NEK10: variants seen among roughly 807,000 people sequenced by gnomAD.
The protein encoded by NEK10 is NIMA related kinase 10, also known as serine/threonine-protein kinase Nek10.
NEK10 carries 122 observed loss-of-function variants against 159.8 expected under a neutral mutation model. The ratio of observed to expected loss-of-function variants is 0.76; its 90% CI spans 0.66 to 0.89. The LOEUF (loss-of-function observed/expected upper bound fraction) is 0.89. Among genes scored for constraint, NEK10 ranks in the 40% least tolerant of loss-of-function variants. NEK10 has a pLI of 0.00. For missense variants in NEK10, 1,342 were observed against 1,323.1 expected, an observed-to-expected ratio of 1.01 and a Z score of -0.22; for synonymous variants, 466 against 457.1, an observed-to-expected ratio of 1.02 and a Z score of -0.25.
At chr3:27,208,048 G>A (rs773924169) in intron 23 of NEK10, among the ~76,000 whole-genome samples, 2 of 152,122 alleles carry the variant, frequency 1.3e-5, no homozygotes, top group African/African-American at 4.8e-5. Context: ...TATTGTGGAT[G>A]TCTGTGTGTT....
At chr3:27,147,964 A>T (rs1299308017) in intron 30 of NEK10, among the ~76,000 whole-genome samples, 1 of 152,178 alleles carries the variant, frequency 6.6e-6, no homozygotes, top group African/African-American at 2.4e-5. Context: ...AAACTCAGAC[A>T]CTTGCCAAAG....
chr3:27,175,752 A>G (rs372556268), intron 26 of NEK10, among the ~76,000 whole-genome samples: 3 of 152,204 alleles, frequency 2.0e-5, no homozygotes, highest in East Asian at 1.9e-4. Context: ...CAGATCAGGT[A>G]GACAAAAAGA....
At chr3:27,173,249 A>T (rs1947179987) in intron 28 of NEK10, among the ~76,000 whole-genome samples, 1 of 152,194 alleles carries the variant, frequency 6.6e-6, no homozygotes, top group Non-Finnish European at 1.5e-5. Flanking sequence ...AAATGTCATA[A>T]CCATCCTTGC....
chr3:27,226,518 G>A (rs1003076616), intron 23 of NEK10, among the ~76,000 whole-genome samples: 9 of 152,142 alleles, frequency 5.9e-5, no homozygotes, highest in South Asian at 2.1e-4. Flanking sequence ...TCACAGTAAC[G>A]CTTTCAGATG....
At chr3:27,332,769 C>A (rs2046515385) in intron 5 of NEK10, among the ~76,000 whole-genome samples, 1 of 152,160 alleles carries the variant, frequency 6.6e-6, no homozygotes, top group African/African-American at 2.4e-5. Flanking sequence ...TTGACAACTT[C>A]CCTACACAGC....
intron 35 of NEK10, among the ~76,000 whole-genome samples, chr3:27,113,786 TA>T (rs1362271666): frequency 1.3e-5 from 2 of 152,158 alleles, no homozygotes; most frequent in African/African-American, 2.4e-5. Flanking sequence ...ATAAGACAAA[TA>T]TTTTTTAATA....
Position 27,284,635 on chromosome 3 carries a change from T to C in NEK10, c.1981A>G (p.Ile661Val). 1 of 1,603,820 alleles carries C rather than the reference T, an allele frequency of 6.2e-7. No homozygotes were observed. Among genetic ancestry groups the C allele is most frequent in the Non-Finnish European group, 8.5e-7 (1 of 1,170,688 alleles). Residue 661 changes from isoleucine to valine, a missense_variant, in exon 22 of 36, where the codon ATT becomes GTT. By Grantham distance (29) the Ile-to-Val change is conservative (BLOSUM62 3). Coordinates refer to ENST00000691995, the MANE Select transcript of NEK10 (RefSeq NM_001394966.1). ...ACTTTGTCCTTATCCCCCAACATAA[T>C]GTTGTTTGGTGTCAGATCTCTATGG... Reference protein sequence around the residue: ...IVHRDLTPNNIMLGDKDKVTV... With the variant: ...IVHRDLTPNNVMLGDKDKVTV...
At chr3:27,314,360 A>G in intron 6 of NEK10, 22 bp from the exon 7 acceptor site, 2 of 1,508,068 alleles carry the variant, frequency 1.3e-6, no homozygotes, top group Non-Finnish European at 1.8e-6. Context: ...AAAGCAACAA[A>G]ACACATGTAA....
intron 22 of NEK10, among the ~76,000 whole-genome samples, chr3:27,268,096 T>C (rs888826963): frequency 2.0e-5 from 3 of 152,176 alleles, no homozygotes; most frequent in Non-Finnish European, 4.4e-5. Flanking sequence ...CCTAACTCTC[T>C]TCAATTCTGT....
chr3:27,357,895 G>A (rs2149854863), intron 1 of NEK10, among the ~76,000 whole-genome samples: 1 of 152,230 alleles, frequency 6.6e-6, no homozygotes, highest in Admixed American at 6.5e-5. Context: ...AAGGAGAACT[G>A]TGGCCAAGCA....
At chr3:27,261,766 C>A (rs926687163) in intron 22 of NEK10, among the ~76,000 whole-genome samples, 2 of 152,134 alleles carry the variant, frequency 1.3e-5, no homozygotes. Flanking sequence ...GAGTTCAATT[C>A]CTGGATATCC....
At chr3:27,145,879 A>G (rs1944250419) in intron 30 of NEK10, among the ~76,000 whole-genome samples, 3 of 151,894 alleles carry the variant, frequency 2.0e-5, no homozygotes, top group Admixed American at 2.0e-4. Context: ...CTAAGGGCGG[A>G]GGCCTCATGA....
chr3:27,281,633 G>A lies in NEK10; in HGVS notation c.2014+2969C>T, dbSNP rs185505166. Among the ~76,000 whole-genome samples the A allele has an allele frequency of 2.3e-3, 356 of 152,132 alleles. 1 individual carries two copies. Among genetic ancestry groups the A allele is most frequent in the African/African-American group, 3.4e-3 (141 of 41,538 alleles). ...CAAGCGAACATCCAAAAAACATAAC[G>A]CCCAAAGCACTCTTTATTAGAAAAG... On this transcript the variant is annotated intron_variant, in intron 22 of 35. Transcript: ENST00000691995.
chr3:27,200,516 G>A (rs1434193003), intron 25 of NEK10, among the ~76,000 whole-genome samples: 3 of 152,074 alleles, frequency 2.0e-5, no homozygotes, highest in East Asian at 1.9e-4. Context: ...CCAGATACAC[G>A]AGTCATTTAT....
chr3:27,301,929 A>G, intron 12 of NEK10, 94 bp from the exon 13 acceptor site: 1 of 889,322 alleles, frequency 1.1e-6, no homozygotes, highest in Non-Finnish European at 1.8e-6. Context: ...TGCCTCCCTC[A>G]GGTCATGAAG....
At chr3:27,213,700 C>T (rs1951225624) in intron 23 of NEK10, among the ~76,000 whole-genome samples, 1 of 152,166 alleles carries the variant, frequency 6.6e-6, no homozygotes, top group South Asian at 2.1e-4. Flanking sequence ...AACATTACAA[C>T]AGAGGTCTTA....
At chr3:27,120,327 C>CT (rs879451959) in intron 32 of NEK10, among the ~76,000 whole-genome samples, 2,521 of 142,130 alleles carry the variant, frequency 0.018, 58 homozygotes, top group African/African-American at 0.057. Context: ...TTTCTTTTTT[C>CT]TTTTTTTTTT....
At chr3:27,336,647 T>C (rs1018348221) in intron 5 of NEK10, among the ~76,000 whole-genome samples, 1 of 152,098 alleles carries the variant, frequency 6.6e-6, no homozygotes, top group African/African-American at 2.4e-5. Context: ...AGATAATACA[T>C]TATGACCAAG....
At chr3:27,257,591 T>G (rs1336937010) in intron 22 of NEK10, among the ~76,000 whole-genome samples, 1 of 152,128 alleles carries the variant, frequency 6.6e-6, no homozygotes, top group East Asian at 1.9e-4. Context: ...TAGCATAAAT[T>G]CAGCCACTTA....
Sources: gnomAD v4.1 joint callset for allele counts (sites outside exome capture counted in the v4.1 genomes callset) on GRCh38, gnomAD v4.1.1 for gene constraint, MANE v1.5 for transcripts, NCBI Gene and HGNC (gene_info 2026-07-23, HGNC 2026-07-21) for gene names.